The following LRRC4C variants were observed in gnomAD, a reference collection of about 807,000 sequenced individuals.
LRRC4C encodes leucine-rich repeat-containing protein 4C.
LRRC4C carries 5 observed loss-of-function variants against 33.6 expected under a neutral mutation model. The ratio of observed to expected loss-of-function variants is 0.15; its 90% confidence interval spans 0.08 to 0.31. The LOEUF (loss-of-function observed/expected upper bound fraction) is 0.31, where lower values mean the gene tolerates loss of function less well. Ranked by LOEUF, LRRC4C falls within the 10% of genes least tolerant of loss-of-function variation. LRRC4C has a pLI of 1.00. For synonymous variants in LRRC4C, 329 were observed against 302.0 expected (o/e 1.09, Z -0.93); for missense variants, 560 against 796.7 (o/e 0.70, Z 3.58).
Position 41,368,890 on chromosome 11 carries a change from G to GA in LRRC4C, c.-496+90540dup, listed in dbSNP as rs1253379729. On this transcript the variant is annotated intron_variant, in intron 1 of 6. Transcript: ENST00000528697. The stretch of plus-strand genomic sequence containing the variant: ...TATCCATTGTAAGAACCCATTTGTA[G>GA]ACAGACATGTTATGGCTGACCTTTC... 5.3e-5 allele frequency among the ~76,000 whole-genome samples: 8 copies of GA among 152,266 alleles called. No homozygotes were observed. The East Asian group carries it at 1.4e-3, about 26-fold the overall frequency.
At chr11:40,551,741 C>T (rs985012694) in intron 3 of LRRC4C, among the ~76,000 whole-genome samples, 4 of 152,098 alleles carry the variant, frequency 2.6e-5, no homozygotes, top group Non-Finnish European at 4.4e-5. Context: ...ACAAATTGTA[C>T]GTCTTGTATT....
chr11:40,875,277 C>T (rs1021435019), intron 2 of LRRC4C, among the ~76,000 whole-genome samples: 3 of 152,080 alleles, frequency 2.0e-5, no homozygotes, highest in Non-Finnish European at 4.4e-5. Context: ...ATAGATCTTA[C>T]AAATGAGGTG....
rs186922241 is a variant in LRRC4C at position 40,491,637 on chromosome 11, T to C, written c.-270+156505A>G. Among the ~76,000 whole-genome samples, 5 of 152,314 alleles carry C rather than the reference T, an allele frequency of 3.3e-5. No individual in the cohort carries two copies. In the East Asian group the frequency reaches 9.6e-4, roughly 29 times the overall value. On this transcript the variant is annotated intron_variant, in intron 3 of 6. Transcript: ENST00000528697. Reference sequence around the variant, plus strand: ...ACATGGCTATTTGATTCTTCAAGGATAATGAGTGCATCTGTTTCTCACCTC... The same window carrying C: ...ACATGGCTATTTGATTCTTCAAGGACAATGAGTGCATCTGTTTCTCACCTC...
rs368510588 is a variant in LRRC4C, at chr11:41,003,502, TATTTGAGATCC to T, written c.-495-69790_-495-69780del. 4.2e-3 allele frequency among the ~76,000 whole-genome samples: 642 copies of T among 152,198 alleles called. 5 individuals are homozygous for T. The highest frequency in any genetic ancestry group is 0.015 in the African/African-American group (611 of 41,532). On this transcript the variant is annotated intron_variant, in intron 1 of 6. Coordinates refer to ENST00000528697, the MANE Select transcript of LRRC4C (RefSeq NM_001258419.2). The stretch of plus-strand genomic sequence containing the variant: ...TACGGTATGGAGGCTACAACAAGGT[TATTTGAGATCC>T]ATTTGAGATTATGTCAACCGACAAT...
At chr11:40,824,804 T>A (rs1412208202) in intron 2 of LRRC4C, among the ~76,000 whole-genome samples, 4 of 151,948 alleles carry the variant, frequency 2.6e-5, no homozygotes, top group Non-Finnish European at 5.9e-5. Context: ...GTGCTATCTA[T>A]CTACTGAGCT....
chr11:41,209,613 C>A (rs998457352), intron 1 of LRRC4C, among the ~76,000 whole-genome samples: 3 of 150,660 alleles, frequency 2.0e-5, no homozygotes, highest in African/African-American at 7.3e-5. Flanking sequence ...CCACTGCACT[C>A]CAGCCTGGGC....
At chr11:40,270,451 T>C (rs1942608751) in intron 4 of LRRC4C, among the ~76,000 whole-genome samples, 1 of 152,036 alleles carries the variant, frequency 6.6e-6, no homozygotes, top group African/African-American at 2.4e-5. Flanking sequence ...GGGCCCACTC[T>C]ATAAAGACCT....
At chr11:41,328,855 T>A (rs1951205885) in intron 1 of LRRC4C, among the ~76,000 whole-genome samples, 1 of 152,190 alleles carries the variant, frequency 6.6e-6, no homozygotes, top group South Asian at 2.1e-4. Flanking sequence ...TTCTGAATCA[T>A]CTTGTGGTTT....
intron 2 of LRRC4C, among the ~76,000 whole-genome samples, chr11:40,731,253 A>G (rs374730942): frequency 6.6e-6 from 1 of 152,094 alleles, no homozygotes; most frequent in Non-Finnish European, 1.5e-5. Flanking sequence ...CGGGAGGCGG[A>G]GCTTGCAGTG....
chr11:41,171,424 A>G (rs866960073), intron 1 of LRRC4C, among the ~76,000 whole-genome samples: 6 of 152,122 alleles, frequency 3.9e-5, no homozygotes, highest in African/African-American at 7.2e-5. Context: ...ATGCAGCCAT[A>G]AAAAGGATGA....
chr11:40,310,422 T>C (rs947312085), intron 4 of LRRC4C, among the ~76,000 whole-genome samples: 2 of 152,170 alleles, frequency 1.3e-5, no homozygotes, highest in Non-Finnish European at 2.9e-5. Context: ...ATCTTATTCA[T>C]CATTGTACCA....
At chr11:40,682,782 T>G (rs185527563) in intron 2 of LRRC4C, among the ~76,000 whole-genome samples, 4 of 88,004 alleles carry the variant, frequency 4.5e-5, no homozygotes, top group Admixed American at 1.2e-4. Flanking sequence ...ATAAATAAAA[T>G]AAAGATATCT....
intron 2 of LRRC4C, among the ~76,000 whole-genome samples, chr11:40,694,105 C>T (rs77248775): frequency 0.031 from 4,666 of 152,164 alleles, 119 homozygotes; most frequent in African/African-American, 0.072. Context: ...TGCCACGTAC[C>T]GATGTAGCTG....
chr11:40,413,853 C>G (rs973290112), intron 3 of LRRC4C, among the ~76,000 whole-genome samples: 2 of 152,002 alleles, frequency 1.3e-5, no homozygotes, highest in Non-Finnish European at 2.9e-5. Flanking sequence ...GCCAAAACTA[C>G]GTTTGAATCA....
chr11:40,229,462 G>T, intron 5 of LRRC4C, among the ~76,000 whole-genome samples: 1 of 151,816 alleles, frequency 6.6e-6, no homozygotes, highest in East Asian at 1.9e-4. Flanking sequence ...TAGTAGAAAC[G>T]GGGTTTTACC....
At chr11:40,168,917 C>T (rs906038349) in intron 5 of LRRC4C, among the ~76,000 whole-genome samples, 5 of 152,194 alleles carry the variant, frequency 3.3e-5, no homozygotes, top group African/African-American at 4.8e-5. Flanking sequence ...GAAAAGCCAT[C>T]GCCTTCATGT....
chr11:40,972,497 C>T (rs540685773), intron 1 of LRRC4C, among the ~76,000 whole-genome samples: 14 of 152,194 alleles, frequency 9.2e-5, no homozygotes, highest in South Asian at 2.1e-4. Context: ...AATGATATGG[C>T]TAGTGTATTA....
intron 1 of LRRC4C, among the ~76,000 whole-genome samples, chr11:41,034,469 A>G (rs1215190552): frequency 3.4e-5 from 5 of 145,758 alleles, no homozygotes; most frequent in East Asian, 2.0e-4. Flanking sequence ...ATATATATAT[A>G]TGTGTGTATA....
At chr11:40,461,693 C>T (rs977966105) in intron 3 of LRRC4C, among the ~76,000 whole-genome samples, 1 of 148,350 alleles carries the variant, frequency 6.7e-6, no homozygotes, top group Non-Finnish European at 1.5e-5. Flanking sequence ...ATATAATAAT[C>T]TTCTTTTATT....
Sources: gnomAD v4.1 joint callset for allele counts (sites outside exome capture counted in the v4.1 genomes callset) on GRCh38, gnomAD v4.1.1 for gene constraint, MANE v1.5 for transcripts, NCBI Gene and HGNC (gene_info 2026-07-23, HGNC 2026-07-21) for gene names.